CTNNA3: variants seen among roughly 807,000 people sequenced by gnomAD.
The protein encoded by CTNNA3 is catenin alpha-3.
In CTNNA3, 76 loss-of-function variants were observed where a neutral mutation model predicts 95.7. The ratio of observed to expected loss-of-function variants is 0.79; its 90% CI spans 0.66 to 0.96. The LOEUF (loss-of-function observed/expected upper bound fraction) is 0.96. CTNNA3 is among the 40% of genes least tolerant of loss of function. The pLI, the probability that CTNNA3 is intolerant of heterozygous loss-of-function variation, is 0.00. For synonymous variants in CTNNA3, 431 were observed against 374.4 expected (o/e 1.15, Z -1.74); for missense variants, 1,191 against 1,089.8 (o/e 1.09, Z -1.31).
intron 5 of CTNNA3, among the ~76,000 whole-genome samples, chr10:67,452,448 G>A (rs1397175752): frequency 6.6e-6 from 1 of 152,078 alleles, no homozygotes; most frequent in Non-Finnish European, 1.5e-5. Context: ...TAGTATTTAT[G>A]TGTGAGCAAG....
chr10:67,494,504 C>A (rs1838963492), intron 5 of CTNNA3, among the ~76,000 whole-genome samples: 1 of 152,144 alleles, frequency 6.6e-6, no homozygotes, highest in African/African-American at 2.4e-5. Context: ...ACCTACCAGT[C>A]AGTTTTTAAG....
chr10:66,826,436 C>A (rs1406093394), intron 7 of CTNNA3, among the ~76,000 whole-genome samples: 2 of 152,082 alleles, frequency 1.3e-5, no homozygotes, highest in African/African-American at 4.8e-5. Flanking sequence ...ACCATCACGT[C>A]TGGCTAATTT....
chr10:66,250,036 C>A (rs1241324727), intron 13 of CTNNA3, among the ~76,000 whole-genome samples: 1 of 152,024 alleles, frequency 6.6e-6, no homozygotes, highest in East Asian at 1.9e-4. Context: ...AAATGTAGTA[C>A]ATATACACAA....
intron 15 of CTNNA3, among the ~76,000 whole-genome samples, chr10:66,043,805 C>T (rs2079758951): frequency 6.6e-6 from 1 of 152,180 alleles, no homozygotes; most frequent in Non-Finnish European, 1.5e-5. Flanking sequence ...CACTGTTAAA[C>T]ACCAGTCAAA....
At chr10:66,090,150 A>C (rs375518696) in intron 14 of CTNNA3, among the ~76,000 whole-genome samples, 1 of 151,994 alleles carries the variant, frequency 6.6e-6, no homozygotes, top group African/African-American at 2.4e-5. Context: ...CAGGGTAGGC[A>C]TGTGGCTCAA....
rs897605590 is a variant in CTNNA3 at position 66,928,105 on chromosome 10, C to A, written c.1048-152581G>T. The A allele has an allele frequency of 5.0e-6, 8 of 1,614,094 alleles. No homozygotes were observed. Among genetic ancestry groups the A allele is most frequent in the East Asian group, 4.5e-5 (2 of 44,864 alleles). ...GCATGAGAGCAAACCCCCTTTGCCC[C>A]CGACGGTGGGAGCCACAGAGCCCGG... On this transcript the variant is annotated intron_variant, in intron 7 of 17. Coordinates refer to ENST00000433211, the MANE Select transcript of CTNNA3 (RefSeq NM_013266.4).
intron 10 of CTNNA3, among the ~76,000 whole-genome samples, chr10:66,588,191 T>C (rs1221771865): frequency 1.3e-5 from 2 of 151,934 alleles, no homozygotes; most frequent in African/African-American, 2.4e-5. Flanking sequence ...TCTGCCTCCA[T>C]GGCCTGAATT....
At chr10:66,184,162 G>T (rs1185439018) in intron 13 of CTNNA3, among the ~76,000 whole-genome samples, 2 of 152,004 alleles carry the variant, frequency 1.3e-5, no homozygotes, top group Non-Finnish European at 1.5e-5. Flanking sequence ...AGCTGGGCGC[G>T]GGGGTGGGCG....
At chr10:67,233,243 T>C (rs1589061623) in intron 5 of CTNNA3, among the ~76,000 whole-genome samples, 1 of 151,956 alleles carries the variant, frequency 6.6e-6, no homozygotes, top group East Asian at 1.9e-4. Context: ...TATTCCAAAA[T>C]TGACCACATA....
chr10:67,015,158 T>G (rs914844265), intron 7 of CTNNA3: 2 of 152,170 alleles, frequency 1.3e-5, no homozygotes, highest in Admixed American at 1.3e-4. Flanking sequence ...TGATACCTCT[T>G]CCAATATTAC....
chr10:66,358,522 C>G (rs1330263922), intron 12 of CTNNA3, among the ~76,000 whole-genome samples: 1 of 152,130 alleles, frequency 6.6e-6, no homozygotes, highest in Non-Finnish European at 1.5e-5. Flanking sequence ...TATACTTACT[C>G]CATTTTTAAC....
intron 5 of CTNNA3, among the ~76,000 whole-genome samples, chr10:67,426,778 A>G (rs2081075180): frequency 6.6e-6 from 1 of 151,952 alleles, no homozygotes. Context: ...CATGTTGTGC[A>G]CATGTACCCT....
At chr10:67,347,542 G>A (rs532822949) in intron 5 of CTNNA3, among the ~76,000 whole-genome samples, 1 of 152,234 alleles carries the variant, frequency 6.6e-6, no homozygotes, top group Admixed American at 6.5e-5. Context: ...CTGGATATAT[G>A]TTGATGAATG....
chr10:67,163,868 TATA>T (rs1861652759), intron 7 of CTNNA3, among the ~76,000 whole-genome samples: 1 of 151,934 alleles, frequency 6.6e-6, no homozygotes, highest in Admixed American at 6.6e-5. Context: ...AAATTAAAAA[TATA>T]ATAACATTTA....
rs999208666 is a variant in CTNNA3, at chr10:66,441,169, C to A, written c.1532-61817G>T. Among the ~76,000 whole-genome samples, 59 of 152,044 alleles carry A rather than the reference C, an allele frequency of 3.9e-4. 1 individual carries two copies. The highest frequency in any genetic ancestry group is 1.4e-3 in the African/African-American group (57 of 41,390). ...GCAACACAGCAAGACCCTGTCTTTA[C>A]AAAATATTTAATCATTTTAAAATAA... On this transcript the variant is annotated intron_variant, in intron 11 of 17. Transcript: ENST00000433211.
At chr10:66,748,386 G>T (rs1838974678) in intron 9 of CTNNA3, among the ~76,000 whole-genome samples, 1 of 152,076 alleles carries the variant, frequency 6.6e-6, no homozygotes, top group African/African-American at 2.4e-5. Context: ...TTTGAAATCA[G>T]ATAAATCTGC....
intron 5 of CTNNA3, among the ~76,000 whole-genome samples, chr10:67,287,469 T>C (rs1240023291): frequency 6.6e-6 from 1 of 152,222 alleles, no homozygotes; most frequent in Non-Finnish European, 1.5e-5. Flanking sequence ...TATAGTATGA[T>C]GTATTATAAA....
intron 5 of CTNNA3, among the ~76,000 whole-genome samples, chr10:67,301,237 C>A (rs1003140684): frequency 2.0e-5 from 3 of 152,120 alleles, no homozygotes; most frequent in Non-Finnish European, 4.4e-5. Flanking sequence ...TATTTAACTT[C>A]CTGAGAGACA....
intron 9 of CTNNA3, among the ~76,000 whole-genome samples, chr10:66,758,548 T>C (rs1443093786): frequency 6.6e-6 from 1 of 152,152 alleles, no homozygotes; most frequent in African/African-American, 2.4e-5. Flanking sequence ...AGTTAGCATG[T>C]TTGCTTGTTA....
Sources: gnomAD v4.1 joint callset for allele counts (sites outside exome capture counted in the v4.1 genomes callset) on GRCh38, gnomAD v4.1.1 for gene constraint, MANE v1.5 for transcripts, NCBI Gene and HGNC (gene_info 2026-07-23, HGNC 2026-07-21) for gene names.